Variants in SLC4A1 observed in about 807,000 individuals in gnomAD.
SLC4A1 encodes band 3 anion transport protein.
A neutral mutation model predicts 93.1 loss-of-function variants in SLC4A1; 29 were observed. The observed-to-expected ratio is 0.31, with a 90% CI of 0.23 to 0.42. The LOEUF (loss-of-function observed/expected upper bound fraction) is 0.42. Among genes scored for constraint, SLC4A1 ranks in the 20% least tolerant of loss-of-function variants. The probability of loss-of-function intolerance (pLI) is 1.00; values close to 1 mark genes in which losing one functional copy is unlikely to be tolerated. For missense variants in SLC4A1, 965 were observed against 1,190.1 expected, an observed-to-expected ratio of 0.81 and a Z score of 2.78; for synonymous variants, 469 against 497.2, an observed-to-expected ratio of 0.94 and a Z score of 0.76.
Position 44,251,607 on chromosome 17 carries a change from C to A in SLC4A1, c.2312-19G>T. 1 of 1,613,362 alleles carries A rather than the reference C, an allele frequency of 6.2e-7. No individual in the cohort carries two copies. Among genetic ancestry groups the A allele is most frequent in the South Asian group, 1.1e-5 (1 of 91,054 alleles). The stretch of plus-strand genomic sequence containing the variant: ...GACAGGCCTGTGGGGGAGCCGCACA[C>A]TCTCAGCCCAGGTTGCCCGAGGCCT... On this transcript the variant is annotated intron_variant, in intron 17 of 19. Coordinates refer to ENST00000262418, the MANE Select transcript of SLC4A1 (RefSeq NM_000342.4).
At position 44,268,121 on chromosome 17, in the gene SLC4A1, G is replaced by A. The variant is rs566359654; in HGVS notation, c.-136C>T. 306 of 985,352 alleles carry A rather than the reference G, an allele frequency of 3.1e-4. No individual in the cohort carries two copies. The highest frequency in any genetic ancestry group is 8.0e-4 in the Admixed American group (13 of 16,270). 61.0% of individuals were successfully genotyped at this position (985,352 alleles called of 1,614,324 possible). A position where few individuals can be genotyped will look rare whatever the true frequency, so the allele number is the denominator to read the frequency against. ...GCTGGTGCCCTCTGCGACCAGCTAC[G>A]TTCCCACTCGTTCTGACAGCACCAG... On this transcript the variant is annotated 5_prime_UTR_variant, in exon 1 of 20. The change creates a new upstream start codon in the 5' untranslated region. Transcript: ENST00000262418.
Position 44,251,156 on chromosome 17 carries a change from C to G in SLC4A1, c.2655+3G>C, listed in dbSNP as rs774039045. ...TGTGCCCCAGGCCCAGGCAGCCACT[C>G]ACACACTGAAGCTCCACGTTCCTGA... On this transcript the variant is annotated splice_donor_region_variant and intron_variant, in intron 19 of 19. Coordinates refer to ENST00000262418, the MANE Select transcript of SLC4A1 (RefSeq NM_000342.4). 1 of 1,595,526 alleles carries G rather than the reference C, an allele frequency of 6.3e-7. No homozygotes were observed. The highest frequency in any genetic ancestry group is 2.3e-5 in the East Asian group (1 of 44,100).
intron 16 of SLC4A1, among the ~76,000 whole-genome samples, chr17:44,254,119 C>T (rs896941989): frequency 1.3e-5 from 2 of 151,942 alleles, no homozygotes; most frequent in Non-Finnish European, 2.9e-5. Flanking sequence ...AGATTACAGG[C>T]TCGTGCCACC....
chr17:44,262,521 A>ACGGC (rs1338998077), intron 3 of SLC4A1, 115 bp downstream of exon 3: 3 of 743,662 alleles, frequency 4.0e-6, no homozygotes, highest in Admixed American at 2.2e-5. Flanking sequence ...TGAGGGGAGA[A>ACGGC]CGGCCCGTGG....
At chr17:44,263,844 A>C (rs1395260108) in intron 1 of SLC4A1, among the ~76,000 whole-genome samples, 2 of 150,104 alleles carry the variant, frequency 1.3e-5, no homozygotes, top group Non-Finnish European at 3.0e-5. Flanking sequence ...ATCATAGTTC[A>C]CTGCAGCCTT....
Position 44,251,588 on chromosome 17 carries a change from C to T in SLC4A1, c.2312G>A (p.Gly771Asp), listed in dbSNP as rs121912741. 1 of 1,613,714 alleles carries T rather than the reference C, an allele frequency of 6.2e-7. No individual in the cohort carries two copies. The highest frequency in any genetic ancestry group is 1.3e-5 in the African/African-American group (1 of 74,900). Residue 771 changes from glycine to aspartate, a missense_variant and splice_region_variant, in exon 18 of 20, where the codon GGC becomes GAC. Physicochemically the swap from Gly to Asp is moderately conservative, Grantham distance 94. Around this residue, in one of 2 missense-constraint regions of SLC4A1, gnomAD observed 770 missense variants for 1,006.6 expected, o/e 0.76. Transcript: ENST00000262418. ...GATGGGCTCCATGAGGATGGACAGG[C>T]CTGTGGGGGAGCCGCACACTCTCAG... is the stretch of plus-strand genomic sequence containing the variant. ...ISGLLVAVLV[G>D]LSILMEPILS... is the part of the protein sequence containing the mutation.
In SLC4A1 at chr17:44,258,145, T is replaced by C. The variant is rs2047407383; in HGVS notation, c.1123A>G (p.Thr375Ala). 6.2e-7 allele frequency: 1 copy of C among 1,613,828 alleles called. No individual in the cohort carries two copies. The highest frequency in any genetic ancestry group is 1.3e-5 in the African/African-American group (1 of 74,830). Residue 375 changes from threonine to alanine, a missense_variant, in exon 11 of 20, where the codon ACA (threonine) becomes GCA (alanine). Physicochemically the swap from Thr to Ala is moderately conservative, Grantham distance 58. Around this residue, in one of 2 missense-constraint regions of SLC4A1, gnomAD observed 770 missense variants for 1,006.6 expected, o/e 0.76. Coordinates refer to ENST00000262418, the MANE Select transcript of SLC4A1 (RefSeq NM_000342.4). This position sits in a 1 kb window ranked among gnomAD's most constrained non-coding sequence, Gnocchi z 6.1. ...NGGPDDPLQQ[T>A]GQLFGGLVRD... ...ACCAGGCCCCCGAAGAGCTGGCCTG[T>C]CTGCTGCAGAGGGTCATCTGGGCCC...
Position 44,251,200 on chromosome 17 carries a change from C to A in SLC4A1, c.2614G>T (p.Val872Phe), listed in dbSNP as rs747337202. 6.2e-7 allele frequency: 1 copy of A among 1,612,690 alleles called. No homozygotes were observed. The highest frequency in any genetic ancestry group is 8.5e-7 in the Non-Finnish European group (1 of 1,179,446). Residue 872 changes from valine (V) to phenylalanine (F), a missense_variant, in exon 19 of 20, where the codon GTC becomes TTC. Val to Phe is a conservative substitution (Grantham distance 50). This residue lies in a region of SLC4A1 where 770 missense variants were observed against 1,006.6 expected (regional missense o/e 0.76). Coordinates refer to ENST00000262418, the MANE Select transcript of SLC4A1 (RefSeq NM_000342.4). Reference sequence around the variant, plus strand: ...TTCCTGAAGATGAGCGGCAGCAGGACGCGCCGCAGCGGCACAGTGAGGATG... The same window carrying A: ...TTCCTGAAGATGAGCGGCAGCAGGAAGCGCCGCAGCGGCACAGTGAGGATG... ...VLILTVPLRR[V>F]LLPLIFRNVE...
At chr17:44,262,972 A>G in intron 1 of SLC4A1, 38 bp from the exon 2 acceptor site, 1 of 1,574,096 alleles carries the variant, frequency 6.4e-7, no homozygotes, top group Non-Finnish European at 8.7e-7. Flanking sequence ...GGCACAGGGC[A>G]TCCCAGGGTC....
rs370097204 is a variant in SLC4A1, at chr17:44,253,248, G to A, written c.2181C>T (p.Thr727=). The change falls in exon 17 of 20, where the codon ACC becomes ACT. Residue 727 remains threonine (T), a synonymous_variant. Coordinates refer to ENST00000262418, the MANE Select transcript of SLC4A1 (RefSeq NM_000342.4). ...TGGCATGGGTGACGGAACGCACGGT[G>A]GTGGCACTGAGCCAGGGCATCCCAA... is the stretch of plus-strand genomic sequence containing the variant. ...ALFGMPWLSA[T]TVRSVTHANA... is the part of the protein sequence containing the mutation. 6.2e-7 allele frequency: 1 copy of A among 1,614,038 alleles called. No individual in the cohort carries two copies. The highest frequency in any genetic ancestry group is 1.6e-4 in the Middle Eastern group (1 of 6,062).
intron 16 of SLC4A1, 25 bp downstream of exon 16, chr17:44,254,471 G>GCCCCCCCCCCC: frequency 2.7e-6 from 4 of 1,507,950 alleles, no homozygotes; most frequent in Middle Eastern, 1.7e-4. Context: ...ACCCTCCCAG[G>GCCCCCCCCCCC]CCCAGCCCCC....
chr17:44,262,128 C>T, intron 3 of SLC4A1: 1 of 916,922 alleles, frequency 1.1e-6, no homozygotes. Context: ...CCCTCATTTC[C>T]AAGAGGGGCC....
At chr17:44,253,860 C>T (rs934489823) in intron 16 of SLC4A1, among the ~76,000 whole-genome samples, 3 of 151,132 alleles carry the variant, frequency 2.0e-5, no homozygotes, top group Non-Finnish European at 2.9e-5. Flanking sequence ...TTAGTAGAAA[C>T]GGGGTTTCAC....
At chr17:44,266,227 C>CT (rs1013976944) in intron 1 of SLC4A1, among the ~76,000 whole-genome samples, 1 of 152,126 alleles carries the variant, frequency 6.6e-6, no homozygotes, top group African/African-American at 2.4e-5. Context: ...CCCACCTCTT[C>CT]TCTCTCTTTT....
chr17:44,262,858 C>G lies in SLC4A1; in HGVS notation c.9G>C (p.Glu3Asp). The G allele has an allele frequency of 1.2e-6, 2 of 1,614,184 alleles. No individual in the cohort carries two copies. The highest frequency in any genetic ancestry group is 1.7e-6 in the Non-Finnish European group (2 of 1,180,008). The change falls in exon 2 of 20, where the codon GAG becomes GAC. Residue 3 changes from glutamate (E) to aspartate (D), a missense_variant. Transcript: ENST00000262418. The stretch of plus-strand genomic sequence containing the variant: ...GATGCCAGGGAACACCCACCTGCAG[C>G]TCCTCCATGGCGTGGTCCTGAGTGT... ME[E>D]LQDDYEDMME...
chr17:44,257,339 T>C lies in SLC4A1; in HGVS notation c.1626+11A>G. On this transcript the variant is annotated intron_variant, in intron 13 of 19. Coordinates refer to ENST00000262418, the MANE Select transcript of SLC4A1 (RefSeq NM_000342.4). ...CCTCCCGTGTGCATTAACATCCCCATAGGCCCCCACCTTGATCAGCTTGGA... is the reference window on the plus strand; with the variant it reads ...CCTCCCGTGTGCATTAACATCCCCACAGGCCCCCACCTTGATCAGCTTGGA... The C allele has an allele frequency of 6.2e-7, 1 of 1,613,200 alleles. No individual in the cohort carries two copies.
chr17:44,250,248 G>A lies in SLC4A1; in HGVS notation c.*210C>T, dbSNP rs931500305. The stretch of plus-strand genomic sequence containing the variant: ...CTGTGCAACAAACCCCCTAATGTGG[G>A]CCCCATCGGCCATCCCCAGCCAGAA... On this transcript the variant is annotated 3_prime_UTR_variant, in exon 20 of 20. Coordinates refer to ENST00000262418, the MANE Select transcript of SLC4A1 (RefSeq NM_000342.4). The A allele has an allele frequency of 8.9e-6, 5 of 564,748 alleles. No homozygotes were observed. Among genetic ancestry groups the A allele is most frequent in the Non-Finnish European group, 1.6e-5 (5 of 311,004 alleles). The allele number at this position is 564,748 out of a possible 1,614,324, so 35.0% of individuals were successfully genotyped here.
rs773635001 is a variant in SLC4A1, at chr17:44,259,352, G to T, written c.695-8C>A. 30 of 1,613,380 alleles carry T rather than the reference G, an allele frequency of 1.9e-5. No individual in the cohort carries two copies. In the South Asian group the frequency reaches 3.1e-4, roughly 17 times the overall value. On this transcript the variant is annotated splice_polypyrimidine_tract_variant and splice_region_variant and intron_variant, in intron 8 of 19. Coordinates refer to ENST00000262418, the MANE Select transcript of SLC4A1 (RefSeq NM_000342.4). ...CCAGGAAGTCGGCGCGGCCTGTTAG[G>T]GGATGAGAAGATCAGGCCAGGCCGA... is the stretch of plus-strand genomic sequence containing the variant.
At position 44,253,115 on chromosome 17, in the gene SLC4A1, C is replaced by T; in HGVS notation, c.2311+3G>A. 1 of 1,610,356 alleles carries T rather than the reference C, an allele frequency of 6.2e-7. No homozygotes were observed. The highest frequency in any genetic ancestry group is 8.5e-7 in the Non-Finnish European group (1 of 1,179,998). ...GTGAAGACGCGACCCAGCTTTCACT[C>T]ACCCACAAGCACAGCGACCAGGAGT... is the stretch of plus-strand genomic sequence containing the variant. On this transcript the variant is annotated splice_donor_region_variant and intron_variant, in intron 17 of 19. Transcript: ENST00000262418.
Sources: gnomAD v4.1 joint callset for allele counts (sites outside exome capture counted in the v4.1 genomes callset) on GRCh38, gnomAD v4.1.1 for gene constraint, gnomAD v4.1.1 regional missense constraint, Gnocchi (gnomAD v3.1) non-coding constraint, MANE v1.5 for transcripts, NCBI Gene and HGNC (gene_info 2026-07-23, HGNC 2026-07-21) for gene names.